The following SH3D19 variants were observed in gnomAD, a reference collection of about 807,000 sequenced individuals.
SH3D19 encodes the protein SH3 domain-containing protein 19.
In SH3D19, 58 loss-of-function variants were observed where a neutral mutation model predicts 112.1. The observed-to-expected ratio is 0.52, with a 90% CI of 0.42 to 0.64. SH3D19 has a LOEUF of 0.64. Ranked by LOEUF, SH3D19 falls within the 30% of genes least tolerant of loss-of-function variation. The pLI is 0.00. For missense variants in SH3D19, 1,090 were observed against 1,263.4 expected (o/e 0.86, Z 2.08); for synonymous variants, 391 against 448.5 (o/e 0.87, Z 1.62).
chr4:151,285,652 G>C (rs1462822700), intron 1 of SH3D19, among the ~76,000 whole-genome samples: 3 of 152,010 alleles, frequency 2.0e-5, no homozygotes, highest in Admixed American at 2.0e-4. Flanking sequence ...CAAGACACTG[G>C]AAAAAGAAGT....
intron 1 of SH3D19, among the ~76,000 whole-genome samples, chr4:151,278,274 AT>A (rs571100331): frequency 2.5e-4 from 37 of 148,642 alleles, no homozygotes; most frequent in Non-Finnish European, 2.8e-4. Flanking sequence ...TTCATAGAGC[AT>A]TTTTTTTTTA....
intron 8 of SH3D19, 108 bp downstream of exon 8, chr4:151,165,481 C>A (rs1327899974): frequency 2.3e-5 from 19 of 832,804 alleles, no homozygotes; most frequent in South Asian, 1.0e-4. Flanking sequence ...ATAGCTTTGA[C>A]TATGAATGGC....
intron 1 of SH3D19, among the ~76,000 whole-genome samples, chr4:151,311,322 G>A (rs1032823743): frequency 2.0e-5 from 3 of 151,938 alleles, no homozygotes; most frequent in African/African-American, 4.8e-5. Flanking sequence ...CTTGAGCCCA[G>A]GAGGTCAAGG....
At chr4:151,242,613 A>G (rs1054745460) in intron 1 of SH3D19, among the ~76,000 whole-genome samples, 1 of 152,242 alleles carries the variant, frequency 6.6e-6, no homozygotes, top group Non-Finnish European at 1.5e-5. Context: ...ATTAATAAGT[A>G]GGAGTTTTGC....
At chr4:151,272,041 T>C (rs1773265153) in intron 1 of SH3D19, among the ~76,000 whole-genome samples, 1 of 152,126 alleles carries the variant, frequency 6.6e-6, no homozygotes, top group South Asian at 2.1e-4. Flanking sequence ...GGGGTGAGCA[T>C]TAAGAACCCA....
chr4:151,203,911 A>G (rs1367759520), intron 2 of SH3D19, among the ~76,000 whole-genome samples: 1 of 152,158 alleles, frequency 6.6e-6, no homozygotes, highest in Non-Finnish European at 1.5e-5. Context: ...TTTCATCATA[A>G]TAATTTTGTG....
intron 6 of SH3D19, among the ~76,000 whole-genome samples, 200 bp downstream of exon 6, chr4:151,176,334 T>C (rs1470781059): frequency 6.6e-6 from 1 of 152,222 alleles, no homozygotes; most frequent in Non-Finnish European, 1.5e-5. Context: ...CTCAAGAGAT[T>C]GGGGCTGCAG....
chr4:151,206,526 T>C (rs1170561307), intron 2 of SH3D19, among the ~76,000 whole-genome samples: 2 of 152,216 alleles, frequency 1.3e-5, no homozygotes, highest in Non-Finnish European at 2.9e-5. Context: ...AATATATTCA[T>C]GGCACCCTAA....
intron 2 of SH3D19, among the ~76,000 whole-genome samples, chr4:151,216,340 A>G (rs959603634): frequency 6.6e-6 from 1 of 151,974 alleles, no homozygotes; most frequent in African/African-American, 2.4e-5. Context: ...AAAATATTTG[A>G]ATAAAAATTT....
chr4:151,302,619 A>G (rs1049876365), intron 1 of SH3D19, among the ~76,000 whole-genome samples: 1 of 152,232 alleles, frequency 6.6e-6, no homozygotes, highest in Non-Finnish European at 1.5e-5. Flanking sequence ...GATGTAGGAA[A>G]AAACGACTAT....
intron 7 of SH3D19, among the ~76,000 whole-genome samples, chr4:151,169,915 G>A (rs995634107): frequency 6.6e-6 from 1 of 152,100 alleles, no homozygotes; most frequent in Admixed American, 6.5e-5. Context: ...AAAACAACCT[G>A]AATGTCCATC....
chr4:151,166,993 A>G (rs116747963), intron 7 of SH3D19, among the ~76,000 whole-genome samples: 1,756 of 152,288 alleles, frequency 0.012, 18 homozygotes, highest in Non-Finnish European at 0.018. Context: ...ATCCTATTTT[A>G]AGTTTCTTAT....
At chr4:151,176,732 C>G in intron 5 of SH3D19, 45 bp from the exon 6 acceptor site, 1 of 1,228,818 alleles carries the variant, frequency 8.1e-7, no homozygotes, top group Non-Finnish European at 1.0e-6. Flanking sequence ...AGGGCAATAG[C>G]TAAGGTGTTG....
chr4:151,138,683 GTC>G (rs72336125), intron 13 of SH3D19, among the ~76,000 whole-genome samples: 15,603 of 55,410 alleles, frequency 0.28, 1,256 homozygotes, highest in Admixed American at 0.37. Context: ...GCAAGATCTT[GTC>G]TCACACACAC....
intron 1 of SH3D19, among the ~76,000 whole-genome samples, chr4:151,260,747 C>T (rs1772313016): frequency 6.6e-6 from 1 of 152,190 alleles, no homozygotes; most frequent in South Asian, 2.1e-4. Context: ...CCAACCTCAT[C>T]CTATTCTCCA....
intron 1 of SH3D19, among the ~76,000 whole-genome samples, chr4:151,273,680 TG>T (rs1773393625): frequency 6.6e-6 from 1 of 151,740 alleles, no homozygotes; most frequent in African/African-American, 2.4e-5. Context: ...TCAAGTTTTT[TG>T]CTCCTGTGGT....
At chr4:151,148,978 CA>C (rs1393546473) in intron 10 of SH3D19, among the ~76,000 whole-genome samples, 3 of 152,020 alleles carry the variant, frequency 2.0e-5, no homozygotes, top group Non-Finnish European at 4.4e-5. Flanking sequence ...GCGGAGGTTG[CA>C]GTGAGCTGAG....
chr4:151,248,966 T>C (rs1200618520), intron 1 of SH3D19, among the ~76,000 whole-genome samples: 1 of 152,242 alleles, frequency 6.6e-6, no homozygotes, highest in Non-Finnish European at 1.5e-5. Flanking sequence ...AATATCCTTG[T>C]TGGCCATCTG....
chr4:151,303,475 A>AC (rs1262920221), intron 1 of SH3D19, among the ~76,000 whole-genome samples: 1 of 152,248 alleles, frequency 6.6e-6, no homozygotes, highest in Non-Finnish European at 1.5e-5. Flanking sequence ...ATTATTTCTC[A>AC]CAGTATTTTA....
Sources: gnomAD v4.1 joint callset for allele counts (sites outside exome capture counted in the v4.1 genomes callset) on GRCh38, gnomAD v4.1.1 for gene constraint, MANE v1.5 for transcripts, NCBI Gene and HGNC (gene_info 2026-07-23, HGNC 2026-07-21) for gene names.